The following AFF4 variants were observed in gnomAD, a reference collection of about 807,000 sequenced individuals.
AFF4 encodes the protein ALF transcription elongation factor 4.
In AFF4, 13 loss-of-function variants were observed where a neutral mutation model predicts 124.8. The ratio of observed to expected loss-of-function variants is 0.10; its 90% CI spans 0.07 to 0.17. AFF4 has a LOEUF of 0.17. Ranked by LOEUF, AFF4 falls within the 10% of genes least tolerant of loss-of-function variation. The pLI is 1.00. For missense variants in AFF4, 1,092 were observed against 1,403.8 expected (o/e 0.78, Z 3.55); for synonymous variants, 477 against 496.1 (o/e 0.96, Z 0.51).
Position 132,880,012 on chromosome 5 carries a change from C to T in AFF4, c.*1047G>A, listed in dbSNP as rs990832842. ...CCGAAGCTCCAGCCTATTTCTGTAT[C>T]AGTCATTGCATGCTCATATCAGAGC... On this transcript the variant is annotated 3_prime_UTR_variant, in exon 21 of 21. Transcript: ENST00000265343. 1.8e-5 allele frequency: 7 copies of T among 389,180 alleles called. No individual in the cohort carries two copies. Among genetic ancestry groups the T allele is most frequent in the African/African-American group, 1.4e-4 (7 of 48,448 alleles). 24.1% of individuals were successfully genotyped at this position (389,180 alleles called of 1,614,324 possible).
chr5:132,886,133 A>C (rs771745073), intron 18 of AFF4, among the ~76,000 whole-genome samples, 177 bp downstream of exon 18: 16 of 152,238 alleles, frequency 1.1e-4, no homozygotes, highest in African/African-American at 1.4e-4. Context: ...AGAGTTCTAC[A>C]ATCAGATACA....
At chr5:132,933,287 C>T (rs1406351344) in intron 3 of AFF4, among the ~76,000 whole-genome samples, 3 of 152,050 alleles carry the variant, frequency 2.0e-5, no homozygotes, top group East Asian at 1.9e-4. Context: ...ATCCCAGCTA[C>T]TCGGGAGGCT....
intron 4 of AFF4, chr5:132,927,461 A>G: frequency 5.3e-6 from 2 of 379,012 alleles, no homozygotes; most frequent in Non-Finnish European, 4.7e-6. Flanking sequence ...TACAGAAATC[A>G]GCCTGTAATC....
At chr5:132,890,957 A>G (rs1760239296) in intron 13 of AFF4, among the ~76,000 whole-genome samples, 1 of 152,138 alleles carries the variant, frequency 6.6e-6, no homozygotes, top group African/African-American at 2.4e-5. Flanking sequence ...GAGATAGCAG[A>G]ATCCAAATGA....
intron 4 of AFF4, among the ~76,000 whole-genome samples, chr5:132,927,780 T>C (rs1430375982): frequency 6.6e-6 from 1 of 152,166 alleles, no homozygotes; most frequent in East Asian, 1.9e-4. Flanking sequence ...AGCCTATATA[T>C]ACTCGTAGAA....
At chr5:132,954,697 G>A (rs1282370064) in intron 1 of AFF4, among the ~76,000 whole-genome samples, 1 of 151,588 alleles carries the variant, frequency 6.6e-6, no homozygotes, top group Non-Finnish European at 1.5e-5. Flanking sequence ...ACAGGCGCCC[G>A]CCACTACGCC....
At chr5:132,962,633 C>T (rs1762104010) in intron 1 of AFF4, among the ~76,000 whole-genome samples, 1 of 152,020 alleles carries the variant, frequency 6.6e-6, no homozygotes, top group Non-Finnish European at 1.5e-5. Context: ...TAACCCCAAG[C>T]ACAGGCAGCT....
rs147769963 is a variant in AFF4, at chr5:132,912,644, A to C, written c.1051-8240T>G. On this transcript the variant is annotated intron_variant, in intron 5 of 20. Transcript: ENST00000265343. ...CCAAAGTGCTAGGATTATAGGTGTG[A>C]GCCATTGCGCCCAGCCTAAAAGATA... Among the ~76,000 whole-genome samples, 864 of 152,288 alleles carry C rather than the reference A, an allele frequency of 5.7e-3. 9 individuals carry two copies. The highest frequency in any genetic ancestry group is 0.019 in the African/African-American group (791 of 41,552).
At position 132,892,346 on chromosome 5, in the gene AFF4, C is replaced by G; in HGVS notation, c.2455G>C (p.Val819Leu). The G allele has an allele frequency of 6.2e-7, 1 of 1,614,114 alleles. No homozygotes were observed. Among genetic ancestry groups the G allele is most frequent in the Middle Eastern group, 1.7e-4 (1 of 6,058 alleles). Reference protein sequence around the residue: ...KDLLPSPAGPVPSKDPKTEHG... With the variant: ...KDLLPSPAGPLPSKDPKTEHG... Reference sequence around the variant, plus strand: ...TCTGTTTTTGGATCTTTTGAAGGAACAGGCCCAGCGGGAGAAGGCAACAAA... The same window carrying G: ...TCTGTTTTTGGATCTTTTGAAGGAAGAGGCCCAGCGGGAGAAGGCAACAAA... The change falls in exon 13 of 21, where the codon GTT becomes CTT. Residue 819 changes from valine to leucine, a missense_variant. Physicochemically the swap from Val to Leu is conservative, Grantham distance 32 (BLOSUM62 1). This residue lies in a region of AFF4 where 293 missense variants were observed against 280.2 expected (regional missense o/e 1.05). Coordinates refer to ENST00000265343, the MANE Select transcript of AFF4 (RefSeq NM_014423.4).
intron 3 of AFF4, among the ~76,000 whole-genome samples, chr5:132,933,796 A>G (rs1761355721): frequency 6.6e-6 from 1 of 151,414 alleles, no homozygotes; most frequent in Admixed American, 6.6e-5. Context: ...CTAAGCATAG[A>G]AAAGTTAATT....
chr5:132,877,763 G>A lies in AFF4; in HGVS notation c.*3296C>T, dbSNP rs1759875420. On this transcript the variant is annotated 3_prime_UTR_variant, in exon 21 of 21. Coordinates refer to ENST00000265343, the MANE Select transcript of AFF4 (RefSeq NM_014423.4). ...AATGCAAGCTCATTCATGAAGAAAT[G>A]TACCAACGTTTCTGTCATTAAATAC... 4.7e-6 allele frequency: 1 copy of A among 212,274 alleles called. No individual in the cohort carries two copies. Among genetic ancestry groups the A allele is most frequent in the African/African-American group, 2.3e-5 (1 of 44,160 alleles). 13.1% of individuals were successfully genotyped at this position (212,274 alleles called of 1,614,324 possible).
intron 7 of AFF4, 47 bp downstream of exon 7, chr5:132,902,395 T>C (rs555169264): frequency 6.7e-7 from 1 of 1,493,270 alleles, no homozygotes; most frequent in Non-Finnish European, 9.3e-7. Flanking sequence ...TACAGGTAAC[T>C]TTTAGCAAAA....
intron 1 of AFF4, among the ~76,000 whole-genome samples, chr5:132,941,246 G>A (rs1374711824): frequency 1.3e-5 from 2 of 152,090 alleles, no homozygotes; most frequent in African/African-American, 2.4e-5. Context: ...ATTTAAATGA[G>A]TCAATCTGAA....
intron 1 of AFF4, among the ~76,000 whole-genome samples, chr5:132,959,764 T>C (rs999657438): frequency 7.3e-6 from 1 of 136,270 alleles, no homozygotes; most frequent in African/African-American, 2.8e-5. Context: ...TTTCTTTTTT[T>C]TTTTTTTTTT....
chr5:132,961,260 G>A (rs891653516), intron 1 of AFF4, among the ~76,000 whole-genome samples: 2 of 151,926 alleles, frequency 1.3e-5, no homozygotes, highest in Non-Finnish European at 2.9e-5. Flanking sequence ...AGCGATTCTC[G>A]TGCCTCAGCC....
chr5:132,921,562 A>G (rs1761048891), intron 5 of AFF4, among the ~76,000 whole-genome samples: 1 of 147,612 alleles, frequency 6.8e-6, no homozygotes, highest in African/African-American at 2.5e-5. Context: ...TCCACCTCCC[A>G]GCTTCAAGTG....
At position 132,888,173 on chromosome 5, in the gene AFF4, T is replaced by A; in HGVS notation, c.2733-13A>T. 1 of 1,592,832 alleles carries A rather than the reference T, an allele frequency of 6.3e-7. No homozygotes were observed. The highest frequency in any genetic ancestry group is 8.6e-7 in the Non-Finnish European group (1 of 1,165,488). On this transcript the variant is annotated splice_polypyrimidine_tract_variant and intron_variant, in intron 14 of 20. Transcript: ENST00000265343. Reference sequence around the variant, plus strand: ...TGCTGAATAATTTCTGCAAGACAAATTTTCATTATAAATAGAATAGTAAAT... The same window carrying A: ...TGCTGAATAATTTCTGCAAGACAAAATTTCATTATAAATAGAATAGTAAAT...
At chr5:132,892,136 CA>C (rs746774437) in intron 13 of AFF4, 27 bp downstream of exon 13, 11 of 1,614,050 alleles carry the variant, frequency 6.8e-6, no homozygotes, top group Non-Finnish European at 7.6e-6. Context: ...GAATGATTTT[CA>C]AAAGCCCCAG....
At position 132,899,060 on chromosome 5, in the gene AFF4, G is replaced by A. The variant is rs761948505; in HGVS notation, c.1226+44C>T. The stretch of plus-strand genomic sequence containing the variant: ...TATATCCCTGCAATGTTATCAGGCT[G>A]ACCCAACTCTTACCAATAAAACAGA... On this transcript the variant is annotated intron_variant, in intron 9 of 20. Coordinates refer to ENST00000265343, the MANE Select transcript of AFF4 (RefSeq NM_014423.4). 5.1e-6 allele frequency: 8 copies of A among 1,572,414 alleles called. No homozygotes were observed. In the Admixed American group the frequency reaches 1.3e-4, roughly 26 times the overall value.
Sources: gnomAD v4.1 joint callset for allele counts (sites outside exome capture counted in the v4.1 genomes callset) on GRCh38, gnomAD v4.1.1 for gene constraint, gnomAD v4.1.1 regional missense constraint, MANE v1.5 for transcripts, NCBI Gene and HGNC (gene_info 2026-07-23, HGNC 2026-07-21) for gene names.